FAM3A: variants seen among roughly 807,000 people sequenced by gnomAD.
FAM3A encodes protein FAM3A.
A neutral mutation model predicts 18.1 loss-of-function variants in FAM3A; 5 were observed. The observed-to-expected ratio is 0.28, with a 90% CI of 0.14 to 0.58. The LOEUF (loss-of-function observed/expected upper bound fraction) is 0.58. Ranked by LOEUF, FAM3A falls within the 20% of genes least tolerant of loss-of-function variation. The pLI is 0.91. For missense variants in FAM3A, 154 were observed against 216.6 expected (o/e 0.71, Z 1.81); for synonymous variants, 108 against 90.2 (o/e 1.20, Z -1.12).
Position 154,515,863 on chromosome X carries a change from G to T in FAM3A, c.-91C>A. ...AGGTTTGGGTGGGGGTCAGGGGCAA[G>T]CCTGTGCGGGACCCCTGCTGGGGGC... On this transcript the variant is annotated 5_prime_UTR_variant, in exon 1 of 9. Coordinates refer to ENST00000447601, the MANE Select transcript of FAM3A (RefSeq NM_021806.4). 9.9e-7 allele frequency: 1 copy of T among 1,012,230 alleles called. No individual in the cohort carries two copies. The highest frequency in any genetic ancestry group is 1.4e-6 in the Non-Finnish European group (1 of 719,865). The allele number at this position is 1,012,230 out of a possible 1,213,427, so 83.4% of individuals were successfully genotyped here.
At chrX:154,507,174 G>C in intron 8 of FAM3A, 29 bp downstream of exon 8, 1 of 1,181,857 alleles carries the variant, frequency 8.5e-7, no homozygotes, top group South Asian at 1.8e-5. Context: ...GGCTGCCCCG[G>C]TGGGGGTGAT....
At chrX:154,509,308 C>G (rs1191722124) in intron 3 of FAM3A, 1 of 118,565 alleles carries the variant, frequency 8.4e-6, no homozygotes, top group Non-Finnish European at 1.8e-5. Flanking sequence ...TCAGGAAGGA[C>G]CCTCCTGTAG....
intron 8 of FAM3A, 86 bp from the exon 9 acceptor site, chrX:154,506,992 T>C (rs1302575612): frequency 4.3e-6 from 4 of 935,374 alleles, no homozygotes; most frequent in African/African-American, 1.9e-5. Context: ...GTCAGTCAAC[T>C]GTGCTGTGTT....
At chrX:154,507,368 G>C in intron 7 of FAM3A, 38 bp downstream of exon 7, 3 of 1,211,901 alleles carry the variant, frequency 2.5e-6, no homozygotes, top group Non-Finnish European at 3.4e-6. Context: ...TGTTGCTGCA[G>C]AAGGGCAAGG....
At chrX:154,506,988 C>CAACT in intron 8 of FAM3A, 82 bp from the exon 9 acceptor site, 1 of 963,648 alleles carries the variant, frequency 1.0e-6, no homozygotes, top group Non-Finnish European at 1.5e-6. Flanking sequence ...GGCTGTCAGT[C>CAACT]AACTGTGCTG....
intron 3 of FAM3A, chrX:154,509,836 T>G (rs190844892): frequency 8.9e-6 from 1 of 112,201 alleles, no homozygotes; most frequent in South Asian, 3.6e-4. Flanking sequence ...TCAATACCAA[T>G]ACATTGACAA....
At chrX:154,514,610 T>C (rs1482903252) in intron 1 of FAM3A, among the ~76,000 whole-genome samples, 1 of 110,946 alleles carries the variant, frequency 9.0e-6, no homozygotes, top group Non-Finnish European at 1.9e-5. Context: ...TTCACCATGT[T>C]AGCCAGGATG....
chrX:154,515,993 C>T lies in FAM3A; in HGVS notation c.-221G>A. ...CCTGGCCAGGAGGGGCCTCAGGAAC[C>T]CGTTGGCTCACGATCTTGCCCACAG... On this transcript the variant is annotated 5_prime_UTR_variant, in exon 1 of 9. Transcript: ENST00000447601. The T allele has an allele frequency of 2.3e-6, 1 of 434,531 alleles. No individual in the cohort carries two copies. Among genetic ancestry groups the T allele is most frequent in the Non-Finnish European group, 4.0e-6 (1 of 248,863 alleles). 35.8% of individuals were successfully genotyped at this position (434,531 alleles called of 1,213,427 possible).
At chrX:154,512,227 C>CAATAAT (rs782325424) in intron 2 of FAM3A, 41 of 148,956 alleles carry the variant, frequency 2.8e-4, no homozygotes, top group Non-Finnish European at 4.0e-4. Context: ...ACTAAAAATA[C>CAATAAT]AATAATAATA....
In FAM3A at chrX:154,506,636, T is replaced by C. The variant is rs1206774896; in HGVS notation, c.*175A>G. 14 of 443,176 alleles carry C rather than the reference T, an allele frequency of 3.2e-5. No individual in the cohort carries two copies. The highest frequency in any genetic ancestry group is 6.1e-4 in the Middle Eastern group (1 of 1,644). 36.5% of individuals were successfully genotyped at this position (443,176 alleles called of 1,213,427 possible). ...GCAGGGCTACCCCCTGCAGCCCCCA[T>C]AGCCCCCACCACCTTGAGACCACGT... On this transcript the variant is annotated 3_prime_UTR_variant, in exon 9 of 9. Transcript: ENST00000447601.
chrX:154,510,628 C>T (rs1484874011), intron 3 of FAM3A: 2 of 109,844 alleles, frequency 1.8e-5, no homozygotes, highest in Non-Finnish European at 3.8e-5. Context: ...AAAGCTGATC[C>T]TTGTTATAAA....
At chrX:154,514,768 C>T (rs1167354603) in intron 1 of FAM3A, among the ~76,000 whole-genome samples, 2 of 111,806 alleles carry the variant, frequency 1.8e-5, no homozygotes, top group Non-Finnish European at 3.8e-5. Context: ...AGACTGGTCT[C>T]GAACTCTTGA....
In FAM3A at chrX:154,515,646, C is replaced by T. The variant is rs1479292432; in HGVS notation, c.13+114G>A. ...GTGTTTGTGCAGAGTCCTCCATTTC[C>T]AAAACCAAACCCAGTGGTTCACCCG... On this transcript the variant is annotated intron_variant, in intron 1 of 8. Transcript: ENST00000447601. The T allele has an allele frequency of 8.9e-6, 8 of 899,381 alleles. No homozygotes were observed. The African/African-American group carries it at 1.6e-4, about 18-fold the overall frequency. 74.1% of individuals were successfully genotyped at this position (899,381 alleles called of 1,213,427 possible).
chrX:154,510,779 T>G (rs890468494), intron 3 of FAM3A: 4 of 109,895 alleles, frequency 3.6e-5, no homozygotes, highest in African/African-American at 1.3e-4. Context: ...ATATGAAAAT[T>G]AGTTGGGTAT....
In FAM3A at chrX:154,506,716, G is replaced by A. The variant is rs782290281; in HGVS notation, c.*95C>T. ...TTGGGGCCAGGGAGCGCTCCTGCCC[G>A]GGTGTGGGGTGTGAGCCTCAGCCTC... On this transcript the variant is annotated 3_prime_UTR_variant, in exon 9 of 9. Transcript: ENST00000447601. 1.7e-4 allele frequency: 113 copies of A among 681,481 alleles called. No individual in the cohort carries two copies. The highest frequency in any genetic ancestry group is 2.3e-4 in the Non-Finnish European group (100 of 440,435). The allele number at this position is 681,481 out of a possible 1,213,427, so 56.2% of individuals were successfully genotyped here.
Position 154,507,844 on chromosome X carries a change from T to C in FAM3A, c.352A>G (p.Ile118Val). The change falls in exon 6 of 9, where the codon ATC becomes GTC. Residue 118 changes from isoleucine to valine, a missense_variant. Ile to Val is a conservative substitution (Grantham distance 29). Transcript: ENST00000447601. The stretch of plus-strand genomic sequence containing the variant: ...CACATGTCAAAGGCCCGGGCCTCGA[T>C]GAGCTCGCCGCTGACCCCTGTGTCA... Reference protein sequence around the residue: ...ALVNGVSGELIEARAFDMWAG... With the variant: ...ALVNGVSGELVEARAFDMWAG... 1 of 1,194,265 alleles carries C rather than the reference T, an allele frequency of 8.4e-7. No homozygotes were observed. The highest frequency in any genetic ancestry group is 1.1e-6 in the Non-Finnish European group (1 of 887,143).
rs1217035439 is a variant in FAM3A at position 154,508,827 on chromosome X, A to G, written c.152-230T>C. Reference sequence around the variant, plus strand: ...TTTTCTGTTACTGGTGGGAGAAAAGAAAGGATGCTGAGGGCTGGCCTGGGC... The same window carrying G: ...TTTTCTGTTACTGGTGGGAGAAAAGGAAGGATGCTGAGGGCTGGCCTGGGC... On this transcript the variant is annotated intron_variant, in intron 3 of 8. Coordinates refer to ENST00000447601, the MANE Select transcript of FAM3A (RefSeq NM_021806.4). 7 of 504,603 alleles carry G rather than the reference A, an allele frequency of 1.4e-5. No individual in the cohort carries two copies. The African/African-American group carries it at 1.6e-4, about 12-fold the overall frequency. The allele number at this position is 504,603 out of a possible 1,213,427, so 41.6% of individuals were successfully genotyped here.
In FAM3A at chrX:154,512,896, G is replaced by A. The variant is rs202125428; in HGVS notation, c.54C>T (p.Val18=). The part of the protein sequence containing the change: ...RIVVLVVSVG[V]TWIVVSILLG... ...GGAGGATGCTGACCACGATCCATGTGACACCCACACTGACGACTAGGACCA... is the reference window on the plus strand; with the variant it reads ...GGAGGATGCTGACCACGATCCATGTAACACCCACACTGACGACTAGGACCA... The change falls in exon 2 of 9, where the codon GTC becomes GTT. Residue 18 remains valine (V), a synonymous_variant. Transcript: ENST00000447601. The A allele has an allele frequency of 8.3e-7, 1 of 1,209,663 alleles. No homozygotes were observed. Among genetic ancestry groups the A allele is most frequent in the African/African-American group, 1.7e-5 (1 of 57,298 alleles).
At chrX:154,507,372 G>A (rs782560405) in intron 7 of FAM3A, 34 bp downstream of exon 7, 1 of 1,211,743 alleles carries the variant, frequency 8.3e-7, no homozygotes, top group Non-Finnish European at 1.1e-6. Context: ...GCTGCAGAAG[G>A]GCAAGGCTGA....
Sources: gnomAD v4.1 joint callset for allele counts (sites outside exome capture counted in the v4.1 genomes callset) on GRCh38, gnomAD v4.1.1 for gene constraint, MANE v1.5 for transcripts, NCBI Gene and HGNC (gene_info 2026-07-23, HGNC 2026-07-21) for gene names.